Variants in VAV2 observed in about 807,000 individuals in gnomAD.
The protein encoded by VAV2 is vav guanine nucleotide exchange factor 2.
A neutral mutation model predicts 132.5 loss-of-function variants in VAV2; 67 were observed. The ratio of observed to expected loss-of-function variants is 0.51; its 90% CI spans 0.42 to 0.62. The LOEUF (loss-of-function observed/expected upper bound fraction) is 0.62. VAV2 is among the 20% of genes least tolerant of loss of function. The pLI, the probability that VAV2 is intolerant of heterozygous loss-of-function variation, is 0.00. For synonymous variants in VAV2, 492 were observed against 443.5 expected (o/e 1.11, Z -1.37); for missense variants, 938 against 1,153.6 (o/e 0.81, Z 2.71).
intron 1 of VAV2, among the ~76,000 whole-genome samples, chr9:133,955,900 A>G (rs1226343553): frequency 6.8e-6 from 1 of 147,692 alleles, no homozygotes; most frequent in East Asian, 2.1e-4. Context: ...CGTGAAGCTC[A>G]GTTCCTGCCG....
chr9:133,866,742 G>C (rs1397072594), intron 2 of VAV2, among the ~76,000 whole-genome samples: 1 of 150,250 alleles, frequency 6.7e-6, no homozygotes, highest in Non-Finnish European at 1.5e-5. Context: ...GGACGTGGAG[G>C]TTCCAGTGGG....
chr9:133,971,590 A>G (rs539152397), intron 1 of VAV2, among the ~76,000 whole-genome samples: 27 of 152,306 alleles, frequency 1.8e-4, no homozygotes, highest in African/African-American at 6.5e-4. Context: ...CCTCCTGCCC[A>G]GGCCACCCAT....
intron 2 of VAV2, among the ~76,000 whole-genome samples, chr9:133,938,487 C>T (rs1841006966): frequency 8.1e-6 from 1 of 123,500 alleles, no homozygotes; most frequent in Admixed American, 8.5e-5. Flanking sequence ...TCAGGGTCCC[C>T]TCATGTGCAC....
At chr9:133,898,979 G>A (rs1024481880) in intron 2 of VAV2, among the ~76,000 whole-genome samples, 3 of 151,802 alleles carry the variant, frequency 2.0e-5, no homozygotes, top group Non-Finnish European at 4.4e-5. Flanking sequence ...CCGCCACCAC[G>A]CCCGGCTAAT....
chr9:133,832,168 A>T (rs1267017527), intron 4 of VAV2, among the ~76,000 whole-genome samples: 4 of 152,190 alleles, frequency 2.6e-5, no homozygotes, highest in Non-Finnish European at 5.9e-5. Flanking sequence ...GGGGACAGGC[A>T]TTTAACCCCC....
At chr9:133,964,022 C>CACATATAT (rs1842046429) in intron 1 of VAV2, among the ~76,000 whole-genome samples, 1 of 93,876 alleles carries the variant, frequency 1.1e-5, no homozygotes, top group Non-Finnish European at 2.1e-5. Flanking sequence ...ATTATTCATT[C>CACATATAT]ATATATATAT....
Position 133,863,412 on chromosome 9 carries a change from TCGGGTCGTACAGATGGAAC to T in VAV2, c.322-1999_322-1981del, listed in dbSNP as rs144352659. 0.046 allele frequency among the ~76,000 whole-genome samples: 6,963 copies of T among 152,086 alleles called. 375 individuals carry two copies. Among genetic ancestry groups the T allele is most frequent in the African/African-American group, 0.13 (5,382 of 41,452 alleles). ...CTGGAGTCAGCGCAAAGGCCCCAGG[TCGGGTCGTACAGATGGAAC>T]CGGGTCGTACAGATGGAACCGGAGA... On this transcript the variant is annotated intron_variant, in intron 2 of 29. Coordinates refer to ENST00000371850, the MANE Select transcript of VAV2 (RefSeq NM_001134398.2). This position sits in a 1 kb window ranked among gnomAD's most constrained non-coding sequence, Gnocchi z 5.0.
intron 4 of VAV2, among the ~76,000 whole-genome samples, chr9:133,822,918 G>A (rs937117511): frequency 2.0e-5 from 3 of 152,188 alleles, no homozygotes; most frequent in African/African-American, 7.2e-5. Context: ...GTGACCTCCG[G>A]CAAGTCACCT....
chr9:133,987,309 T>C (rs1842886436), intron 1 of VAV2, among the ~76,000 whole-genome samples: 1 of 151,622 alleles, frequency 6.6e-6, no homozygotes, highest in African/African-American at 2.4e-5. Context: ...CCTGGAACAG[T>C]GGAGGAGTGA....
intron 19 of VAV2, among the ~76,000 whole-genome samples, chr9:133,782,097 C>T (rs566880887): frequency 4.1e-3 from 569 of 137,328 alleles, no homozygotes; most frequent in Non-Finnish European, 6.3e-3. Flanking sequence ...ATTAATAATC[C>T]GGCGGGGGCG....
intron 1 of VAV2, among the ~76,000 whole-genome samples, chr9:133,974,193 T>C (rs975342311): frequency 6.6e-6 from 1 of 152,026 alleles, no homozygotes; most frequent in Non-Finnish European, 1.5e-5. Flanking sequence ...TCTGCCTGTG[T>C]CCTCCTGGGC....
Position 133,964,022 on chromosome 9 carries a change from C to CATATGTACATATATATAT in VAV2, c.205-24804_205-24803insATATATATATGTACATAT, listed in dbSNP as rs1217468550. Among the ~76,000 whole-genome samples the CATATGTACATATATATAT allele has an allele frequency of 3.5e-4, 33 of 93,858 alleles. 1 individual carries two copies. The highest frequency in any genetic ancestry group is 4.1e-4 in the Non-Finnish European group (20 of 48,524). 61.6% of individuals were successfully genotyped at this position (93,858 alleles called of 152,430 possible). A position where few individuals can be genotyped will look rare whatever the true frequency, so the allele number is the denominator to read the frequency against. On this transcript the variant is annotated intron_variant, in intron 1 of 29. Coordinates refer to ENST00000371850, the MANE Select transcript of VAV2 (RefSeq NM_001134398.2). ...TAAACTTTAAAAAAAATTATTCATT[C>CATATGTACATATATATAT]ATATATATATATATATATATATATA...
At position 133,826,896 on chromosome 9, in the gene VAV2, G is replaced by A. The variant is rs914047103; in HGVS notation, c.449+7376C>T. ...GACAGGCAAGGGCAACCCTGCCACAGCGGCACCAGTGTCCTCGCAAGACGC... is the reference window on the plus strand; with the variant it reads ...GACAGGCAAGGGCAACCCTGCCACAACGGCACCAGTGTCCTCGCAAGACGC... On this transcript the variant is annotated intron_variant, in intron 4 of 29. Coordinates refer to ENST00000371850, the MANE Select transcript of VAV2 (RefSeq NM_001134398.2). The surrounding 1 kb of genome is among the most constrained non-coding windows in gnomAD (Gnocchi z 4.2). Among the ~76,000 whole-genome samples the A allele has an allele frequency of 6.6e-6, 1 of 152,170 alleles. No individual in the cohort carries two copies. The highest frequency in any genetic ancestry group is 2.4e-5 in the African/African-American group (1 of 41,430).
intron 3 of VAV2, among the ~76,000 whole-genome samples, chr9:133,854,295 C>A (rs1277530894): frequency 2.0e-5 from 3 of 147,956 alleles, no homozygotes; most frequent in Non-Finnish European, 4.5e-5. Context: ...ACACACACAC[C>A]CATGTGCACC....
intron 2 of VAV2, among the ~76,000 whole-genome samples, chr9:133,934,057 T>C (rs1255541965): frequency 7.0e-6 from 1 of 141,910 alleles, no homozygotes; most frequent in Non-Finnish European, 1.5e-5. Context: ...GACAGATGAA[T>C]GATTGATGGA....
chr9:133,793,473 GT>G (rs1027017008), intron 12 of VAV2, among the ~76,000 whole-genome samples: 3 of 152,074 alleles, frequency 2.0e-5, no homozygotes, highest in Admixed American at 1.3e-4. Context: ...GGGGTGTTCC[GT>G]TTTCTTGTCG....
rs183614860 is a variant in VAV2, at chr9:133,971,803, G to A, written c.204+20272C>T. Among the ~76,000 whole-genome samples, 100 of 152,266 alleles carry A rather than the reference G, an allele frequency of 6.6e-4. 1 individual carries two copies. Among genetic ancestry groups the A allele is most frequent in the Non-Finnish European group, 2.6e-4 (18 of 68,020 alleles). On this transcript the variant is annotated intron_variant, in intron 1 of 29. Coordinates refer to ENST00000371850, the MANE Select transcript of VAV2 (RefSeq NM_001134398.2). ...CCACCCGGGTCCTGAATCACAATGG[G>A]GAGGCGGCCAGGGCTTCCCCCAACA...
chr9:133,848,006 G>A lies in VAV2; in HGVS notation c.380+13368C>T, dbSNP rs1038082145. On this transcript the variant is annotated intron_variant, in intron 3 of 29. Transcript: ENST00000371850. ...AGATCCAAAACAATGGGCCAGACGCGGTAGCTCACGCCTGTAATCCCAGCA... is the reference window on the plus strand; with the variant it reads ...AGATCCAAAACAATGGGCCAGACGCAGTAGCTCACGCCTGTAATCCCAGCA... Among the ~76,000 whole-genome samples the A allele has an allele frequency of 1.2e-4, 19 of 152,262 alleles. No individual in the cohort carries two copies. The South Asian group carries it at 1.5e-3, about 12-fold the overall frequency.
intron 1 of VAV2, among the ~76,000 whole-genome samples, chr9:133,945,389 G>A (rs1841322498): frequency 6.6e-6 from 1 of 152,204 alleles, no homozygotes; most frequent in Non-Finnish European, 1.5e-5. Context: ...GAGAGGAGGG[G>A]GCTGACCTGA....
Sources: allele counts gnomAD v4.1 joint callset (sites outside exome capture counted in the v4.1 genomes callset), GRCh38; gene constraint gnomAD v4.1.1; non-coding constraint Gnocchi (gnomAD v3.1); transcripts MANE v1.5; gene names NCBI Gene and HGNC (gene_info 2026-07-23, HGNC 2026-07-21).